Variants in RTTN observed in about 807,000 individuals in gnomAD.
RTTN encodes rotatin.
In RTTN, 182 loss-of-function variants were observed where a neutral mutation model predicts 269.2. The observed-to-expected ratio is 0.68, with a 90% confidence interval of 0.60 to 0.76. The LOEUF is 0.76. Among genes scored for constraint, RTTN ranks in the 30% least tolerant of loss-of-function variants. RTTN has a pLI of 0.00. For missense variants in RTTN, 2,545 were observed against 2,608.6 expected, an observed-to-expected ratio of 0.98 and a Z score of 0.53; for synonymous variants, 1,006 against 963.5, an observed-to-expected ratio of 1.04 and a Z score of -0.82.
At chr18:70,131,216 TAAAA>T (rs1349526445) in intron 23 of RTTN, 1 of 145,496 alleles carries the variant, frequency 6.9e-6, no homozygotes, top group Non-Finnish European at 1.5e-5. Flanking sequence ...AAAAAACTCT[TAAAA>T]AAACAAATTC....
Position 70,017,608 on chromosome 18 carries a change from G to A in RTTN, c.6220C>T (p.Leu2074=), listed in dbSNP as rs775614570. ...AGTAACTTCAACCAAAGAATAGTCA[G>A]ATTACTTAGATGTTTATTTCCTCCT... is the stretch of plus-strand genomic sequence containing the variant. ...PKGGNKHLSN[L]TILWLKLLLN... is the part of the protein sequence containing the mutation. The change falls in exon 46 of 49, where the codon CTG becomes TTG. Residue 2074 remains leucine (L), a synonymous_variant. Transcript: ENST00000640769. 6.2e-7 allele frequency: 1 copy of A among 1,613,738 alleles called. No homozygotes were observed. Among genetic ancestry groups the A allele is most frequent in the Non-Finnish European group, 8.5e-7 (1 of 1,179,712 alleles).
chr18:70,198,367 G>C (rs1283469177), intron 5 of RTTN, among the ~76,000 whole-genome samples: 2 of 152,074 alleles, frequency 1.3e-5, no homozygotes, highest in Non-Finnish European at 2.9e-5. Context: ...CTCTGCCTTT[G>C]GGACTGACTC....
At chr18:70,174,805 G>C (rs1288653270) in intron 11 of RTTN, among the ~76,000 whole-genome samples, 2 of 151,574 alleles carry the variant, frequency 1.3e-5, no homozygotes, top group African/African-American at 4.8e-5. Flanking sequence ...CACATCACCT[G>C]AGGTCAGGAG....
chr18:70,069,015 C>A (rs557578758), intron 34 of RTTN, among the ~76,000 whole-genome samples: 93 of 152,238 alleles, frequency 6.1e-4, no homozygotes, highest in African/African-American at 2.1e-3. Context: ...GGGATAGGAG[C>A]TGGGGAAAAG....
At chr18:70,160,905 A>C (rs1332936211) in intron 14 of RTTN, among the ~76,000 whole-genome samples, 1 of 152,202 alleles carries the variant, frequency 6.6e-6, no homozygotes, top group Middle Eastern at 3.2e-3. Flanking sequence ...CAATATTGTT[A>C]AAATGGCCAT....
chr18:70,045,601 G>T (rs2057468536), intron 40 of RTTN, among the ~76,000 whole-genome samples: 1 of 152,078 alleles, frequency 6.6e-6, no homozygotes, highest in African/African-American at 2.4e-5. Flanking sequence ...TTTCTATAAG[G>T]CAAAGAAAAC....
intron 40 of RTTN, among the ~76,000 whole-genome samples, chr18:70,033,077 C>CT: frequency 6.6e-6 from 1 of 152,176 alleles, no homozygotes; most frequent in Non-Finnish European, 1.5e-5. Flanking sequence ...GGTTTAGCAC[C>CT]GTCCCTTTGG....
intron 39 of RTTN, among the ~76,000 whole-genome samples, chr18:70,050,260 G>A (rs1038815604): frequency 5.9e-5 from 9 of 152,038 alleles, no homozygotes; most frequent in African/African-American, 1.7e-4. Flanking sequence ...AAAAGTGGGC[G>A]AAGGATACGA....
intron 28 of RTTN, among the ~76,000 whole-genome samples, chr18:70,095,869 G>A (rs2058989393): frequency 6.6e-6 from 1 of 152,042 alleles, no homozygotes; most frequent in African/African-American, 2.4e-5. Flanking sequence ...AGTTCTCCTA[G>A]GTAATATCCT....
intron 3 of RTTN, 101 bp from the exon 4 acceptor site, chr18:70,202,084 C>A: frequency 1.6e-6 from 1 of 617,662 alleles, no homozygotes; most frequent in Non-Finnish European, 2.6e-6. Context: ...GTATTGGAAT[C>A]ATTTTAAAAA....
At chr18:70,049,967 T>C (rs8089288) in intron 39 of RTTN, among the ~76,000 whole-genome samples, 116,727 of 152,168 alleles carry the variant, frequency 0.77, 50,589 homozygotes, top group East Asian at 1. Flanking sequence ...ACAATGTACA[T>C]ATGTCAGAAA....
intron 26 of RTTN, among the ~76,000 whole-genome samples, chr18:70,120,126 G>A (rs2059698200): frequency 6.6e-6 from 1 of 152,070 alleles, no homozygotes; most frequent in Non-Finnish European, 1.5e-5. Context: ...TATCATGGAA[G>A]GGGAACTGAT....
At chr18:70,151,626 C>T (rs1279440663) in intron 14 of RTTN, among the ~76,000 whole-genome samples, 1 of 152,148 alleles carries the variant, frequency 6.6e-6, no homozygotes, top group East Asian at 1.9e-4. Flanking sequence ...CCACAGACAG[C>T]AACTTCGTTC....
Position 70,028,888 on chromosome 18 carries a change from C to CGG in RTTN, c.5746-89_5746-88dup, listed in dbSNP as rs1332753860. ...TAGTAATTCCCTCCCCTTTGGGTCA[C>CGG]GGGACAATGCAGGTGTGCTCTAATC... On this transcript the variant is annotated intron_variant, in intron 42 of 48. Transcript: ENST00000640769. 5 of 855,434 alleles carry CGG rather than the reference C, an allele frequency of 5.8e-6. No homozygotes were observed. The Admixed American group carries it at 8.4e-5, about 14-fold the overall frequency. The allele number at this position is 855,434 out of a possible 1,614,324, so 53.0% of individuals were successfully genotyped here. A position where few individuals can be genotyped will look rare whatever the true frequency, so the allele number is the denominator to read the frequency against.
chr18:70,028,329 A>G (rs2056911931), intron 43 of RTTN, among the ~76,000 whole-genome samples: 1 of 152,144 alleles, frequency 6.6e-6, no homozygotes, highest in Admixed American at 6.5e-5. Flanking sequence ...AGCTCTAACT[A>G]TCTTCTCCTT....
chr18:70,035,101 G>A (rs1393983467), intron 40 of RTTN, among the ~76,000 whole-genome samples: 2 of 152,190 alleles, frequency 1.3e-5, no homozygotes, highest in Admixed American at 6.5e-5. Flanking sequence ...CATGAACATG[G>A]CTAGGAAGAA....
chr18:70,192,669 CAAAA>C (rs11313917), intron 8 of RTTN, among the ~76,000 whole-genome samples: 5 of 89,886 alleles, frequency 5.6e-5, no homozygotes, highest in Admixed American at 1.1e-4. Context: ...GACCTTGTCT[CAAAA>C]AAAAAAAAAA....
At chr18:70,071,927 T>C (rs2058306464) in intron 34 of RTTN, among the ~76,000 whole-genome samples, 1 of 152,184 alleles carries the variant, frequency 6.6e-6, no homozygotes, top group African/African-American at 2.4e-5. Context: ...AAAACAAAGA[T>C]ATAAATAAGC....
rs976995084 is a variant in RTTN at position 70,003,835 on chromosome 18, A to G, written c.*316T>C. On this transcript the variant is annotated 3_prime_UTR_variant, in exon 49 of 49. Transcript: ENST00000640769. ...GTTTCTAAAAATATTGTTTTATTAA[A>G]TAACTGTTAAATAGGATTTTTACAA... 13 of 188,696 alleles carry G rather than the reference A, an allele frequency of 6.9e-5. No homozygotes were observed. Among genetic ancestry groups the G allele is most frequent in the Admixed American group, 3.0e-4 (5 of 16,514 alleles). 11.7% of individuals were successfully genotyped at this position (188,696 alleles called of 1,614,324 possible).
Sources: allele counts gnomAD v4.1 joint callset (sites outside exome capture counted in the v4.1 genomes callset), GRCh38; gene constraint gnomAD v4.1.1; transcripts MANE v1.5; gene names NCBI Gene and HGNC (gene_info 2026-07-23, HGNC 2026-07-21).